Variants in PRTG observed in about 807,000 individuals in gnomAD.
PRTG encodes the protein protogenin, also known as immunoglobulin superfamily, DCC subclass, member 5.
A neutral mutation model predicts 122.5 loss-of-function variants in PRTG; 67 were observed. That is an observed-to-expected ratio of 0.55 (90% CI 0.45 to 0.67). The LOEUF (loss-of-function observed/expected upper bound fraction) is 0.67, where lower values mean the gene tolerates loss of function less well. Ranked by LOEUF, PRTG falls within the 30% of genes least tolerant of loss-of-function variation. The pLI, the probability that PRTG is intolerant of heterozygous loss-of-function variation, is 0.00. For synonymous variants in PRTG, 554 were observed against 501.1 expected (o/e 1.11, Z -1.41); for missense variants, 1,435 against 1,415.4 (o/e 1.01, Z -0.22).
chr15:55,694,254 G>C (rs183708029), intron 2 of PRTG, among the ~76,000 whole-genome samples: 1 of 151,974 alleles, frequency 6.6e-6, no homozygotes, highest in African/African-American at 2.4e-5. Context: ...TATTTAATTA[G>C]GAAAATTAGT....
chr15:55,737,813 G>A (rs1218551802), intron 2 of PRTG, among the ~76,000 whole-genome samples: 6 of 151,584 alleles, frequency 4.0e-5, no homozygotes, highest in Non-Finnish European at 7.4e-5. Flanking sequence ...ATTTCCAGGT[G>A]CTGTACTATT....
intron 2 of PRTG, among the ~76,000 whole-genome samples, chr15:55,729,719 T>C (rs2031164473): frequency 6.6e-6 from 1 of 152,188 alleles, no homozygotes; most frequent in Admixed American, 6.5e-5. Flanking sequence ...CCTGTTTCCA[T>C]GCAATAATAA....
intron 11 of PRTG, among the ~76,000 whole-genome samples, chr15:55,663,990 G>A (rs1173607105): frequency 6.6e-6 from 1 of 152,184 alleles, no homozygotes; most frequent in Admixed American, 6.5e-5. Context: ...TTTTACTGCT[G>A]AGGAGTATTC....
rs917496946 is a variant in PRTG, at chr15:55,644,703, C to G, written c.2042-3495G>C. Among the ~76,000 whole-genome samples, 82 of 152,124 alleles carry G rather than the reference C, an allele frequency of 5.4e-4. 1 individual carries two copies. Among genetic ancestry groups the G allele is most frequent in the Middle Eastern group, 3.4e-3 (1 of 294 alleles). On this transcript the variant is annotated intron_variant, in intron 11 of 19. Coordinates refer to ENST00000389286, the MANE Select transcript of PRTG (RefSeq NM_173814.6). ...GGAAATCATCAGGGAGTAACTGTCT[C>G]AAGGACCAGGTTCCTTCCCATGTTA...
intron 2 of PRTG, among the ~76,000 whole-genome samples, chr15:55,739,469 G>A (rs1425114564): frequency 6.6e-6 from 1 of 152,114 alleles, no homozygotes; most frequent in Non-Finnish European, 1.5e-5. Flanking sequence ...TGTAGGTATA[G>A]TGCGAAATCT....
chr15:55,700,269 T>G (rs7162071), intron 2 of PRTG, among the ~76,000 whole-genome samples: 19,693 of 152,172 alleles, frequency 0.13, 1,606 homozygotes, highest in East Asian at 0.28. Flanking sequence ...AAAATTCATC[T>G]TTAAATAATT....
chr15:55,662,571 T>C (rs1242712807), intron 11 of PRTG, among the ~76,000 whole-genome samples: 1 of 152,174 alleles, frequency 6.6e-6, no homozygotes, highest in African/African-American at 2.4e-5. Context: ...CTGATAGATG[T>C]TTAGAATTTC....
In PRTG at chr15:55,612,762, A is replaced by AG. The variant is rs1174359992; in HGVS notation, c.*7249dup. On this transcript the variant is annotated 3_prime_UTR_variant, in exon 20 of 20. Coordinates refer to ENST00000389286, the MANE Select transcript of PRTG (RefSeq NM_173814.6). ...TATATATATATATGACTTAAATTGG[A>AG]GTAAGATGACTTCAAATTTAGTACT... 2 of 141,214 alleles carry AG rather than the reference A, an allele frequency of 1.4e-5. No homozygotes were observed. The highest frequency in any genetic ancestry group is 3.0e-5 in the Non-Finnish European group (2 of 66,814). The allele number at this position is 141,214 out of a possible 1,614,324, so 8.7% of individuals were successfully genotyped here.
Position 55,619,177 on chromosome 15 carries a change from T to C in PRTG, c.*835A>G, listed in dbSNP as rs1342227067. 6.6e-6 allele frequency: 1 copy of C among 152,148 alleles called. No individual in the cohort carries two copies. Among genetic ancestry groups the C allele is most frequent in the Non-Finnish European group, 1.5e-5 (1 of 68,040 alleles). 9.4% of individuals were successfully genotyped at this position (152,148 alleles called of 1,614,324 possible). The stretch of plus-strand genomic sequence containing the variant: ...TCTGGGCAGCTTGAGGTTTGGGATA[T>C]AGGAGATAAAGCACTCAGACTCTAA... On this transcript the variant is annotated 3_prime_UTR_variant, in exon 20 of 20. Transcript: ENST00000389286.
chr15:55,622,529 G>A (rs890809562), intron 18 of PRTG, among the ~76,000 whole-genome samples: 5 of 149,502 alleles, frequency 3.3e-5, no homozygotes, highest in Admixed American at 6.8e-5. Flanking sequence ...GACTACAGGC[G>A]CCTACTACCA....
At position 55,613,171 on chromosome 15, in the gene PRTG, T is replaced by G. The variant is rs559993517; in HGVS notation, c.*6841A>C. On this transcript the variant is annotated 3_prime_UTR_variant, in exon 20 of 20. Transcript: ENST00000389286. Reference sequence around the variant, plus strand: ...AAACGATTCTCAAAATTGTCAAGATTAGAACTTAGGTGCTCCAAAGCCTAA... The same window carrying G: ...AAACGATTCTCAAAATTGTCAAGATGAGAACTTAGGTGCTCCAAAGCCTAA... 1.5e-4 allele frequency: 23 copies of G among 152,224 alleles called. No individual in the cohort carries two copies. In the South Asian group the frequency reaches 4.6e-3, roughly 30 times the overall value. 9.4% of individuals were successfully genotyped at this position (152,224 alleles called of 1,614,324 possible).
At chr15:55,671,139 T>G (rs1009144415) in intron 11 of PRTG, among the ~76,000 whole-genome samples, 1 of 152,184 alleles carries the variant, frequency 6.6e-6, no homozygotes, top group African/African-American at 2.4e-5. Flanking sequence ...GAAAACAGTC[T>G]CCCACCACTG....
At chr15:55,671,203 C>T (rs996365014) in intron 11 of PRTG, among the ~76,000 whole-genome samples, 1 of 152,176 alleles carries the variant, frequency 6.6e-6, no homozygotes, top group Non-Finnish European at 1.5e-5. Flanking sequence ...CCTGTGCTAC[C>T]ATGAGTCCAG....
chr15:55,647,369 A>G (rs529424556), intron 11 of PRTG, among the ~76,000 whole-genome samples: 32 of 152,326 alleles, frequency 2.1e-4, no homozygotes, highest in Non-Finnish European at 1.5e-4. Context: ...GAGCCCACCA[A>G]AAGTCAGGCA....
chr15:55,701,288 G>A (rs1299887575), intron 2 of PRTG, among the ~76,000 whole-genome samples: 1 of 152,154 alleles, frequency 6.6e-6, no homozygotes, highest in East Asian at 1.9e-4. Context: ...TGTAATCCCA[G>A]CACTTTGGGA....
Position 55,742,864 on chromosome 15 carries a change from A to C in PRTG, c.68T>G (p.Leu23Arg), listed in dbSNP as rs2031660001. 2.0e-6 allele frequency: 3 copies of C among 1,537,696 alleles called. No homozygotes were observed. Among genetic ancestry groups the C allele is most frequent in the Non-Finnish European group, 2.6e-6 (3 of 1,140,946 alleles). Residue 23 changes from leucine to arginine, a missense_variant, in exon 1 of 20, where the codon CTC (leucine) becomes CGC (arginine). Transcript: ENST00000389286. Reference protein sequence around the residue: ...PPGMLLRALLLLLLLSPLPGV... With the variant: ...PPGMLLRALLRLLLLSPLPGV... ...TGGCAAAGGACTGAGCAGCAGCAGG[A>C]GCAGGAGCGCGCGGAGCAGCATCCC...
chr15:55,649,939 T>C (rs2059344797), intron 11 of PRTG, among the ~76,000 whole-genome samples: 1 of 152,218 alleles, frequency 6.6e-6, no homozygotes, highest in Non-Finnish European at 1.5e-5. Flanking sequence ...ATAACCACAC[T>C]ACTTGGGTTT....
At chr15:55,657,289 G>C (rs2059385687) in intron 11 of PRTG, among the ~76,000 whole-genome samples, 1 of 152,124 alleles carries the variant, frequency 6.6e-6, no homozygotes, top group Admixed American at 6.5e-5. Flanking sequence ...CCATTGCCAT[G>C]ATTTTTCTTC....
At chr15:55,644,424 T>C (rs1487803772) in intron 11 of PRTG, among the ~76,000 whole-genome samples, 1 of 152,218 alleles carries the variant, frequency 6.6e-6, no homozygotes. Flanking sequence ...ATTCCTGGAA[T>C]GGTTCCATTT....
Sources: gnomAD v4.1 joint callset for allele counts (sites outside exome capture counted in the v4.1 genomes callset) on GRCh38, gnomAD v4.1.1 for gene constraint, MANE v1.5 for transcripts, NCBI Gene and HGNC (gene_info 2026-07-23, HGNC 2026-07-21) for gene names.